The following FXYD4 variants were observed in gnomAD, a reference collection of about 807,000 sequenced individuals.
FXYD4 encodes the protein FXYD domain containing ion transport regulator 4, also known as FXYD domain-containing ion transport regulator 4.
FXYD4 carries 14 observed loss-of-function variants against 18.3 expected under a neutral mutation model. The ratio of observed to expected loss-of-function variants is 0.77; its 90% CI spans 0.51 to 1.20. The LOEUF (loss-of-function observed/expected upper bound fraction) is 1.20, where lower values mean the gene tolerates loss of function less well. Among genes scored for constraint, FXYD4 ranks in the 50% most tolerant of loss-of-function variants. The probability of loss-of-function intolerance (pLI) is 0.00; values close to 1 mark genes in which losing one functional copy is unlikely to be tolerated. For synonymous variants in FXYD4, 40 were observed against 40.5 expected, an observed-to-expected ratio of 0.99 and a Z score of 0.04; for missense variants, 99 against 106.1, an observed-to-expected ratio of 0.93 and a Z score of 0.29.
chr10:43,375,799 G>A (rs1370388895), intron 7 of FXYD4, 65 bp downstream of exon 7: 2 of 1,530,678 alleles, frequency 1.3e-6, no homozygotes, highest in Admixed American at 3.3e-5. Context: ...GTCCTGACCT[G>A]GAGAGTGGAC....
chr10:43,374,479 C>A lies in FXYD4; in HGVS notation c.47C>A (p.Ala16Asp). The A allele has an allele frequency of 6.2e-7, 1 of 1,614,122 alleles. No individual in the cohort carries two copies. The highest frequency in any genetic ancestry group is 8.5e-7 in the Non-Finnish European group (1 of 1,179,968). The change falls in exon 4 of 9, where the codon GCC becomes GAC. Residue 16 changes from alanine to aspartate, a missense_variant. Ala to Asp is a moderately radical substitution (Grantham distance 126). Coordinates refer to ENST00000476166, the MANE Select transcript of FXYD4 (RefSeq NM_173160.3). ...LALLLLAGLT[A>D]LEANDPFANK... ...TGCTCCTCCCACACAGGCCTGACTG[C>A]CTTGGAAGCCAATGACCCATTTGGT...
chr10:43,375,809 C>T, intron 7 of FXYD4, 75 bp downstream of exon 7: 1 of 1,479,954 alleles, frequency 6.8e-7, no homozygotes, highest in South Asian at 1.1e-5. Flanking sequence ...GGAGAGTGGA[C>T]AGCATCCTGG....
chr10:43,375,859 G>C, intron 7 of FXYD4, 125 bp downstream of exon 7: 1 of 1,242,634 alleles, frequency 8.0e-7, no homozygotes, highest in South Asian at 1.2e-5. Flanking sequence ...TATTCAGATA[G>C]TCAACCCTGA....
At chr10:43,375,600 A>AGGACAGGGTGGGGCTGGC (rs537364375) in intron 6 of FXYD4, 27 bp downstream of exon 6, 12 of 1,608,612 alleles carry the variant, frequency 7.5e-6, no homozygotes, top group Admixed American at 1.7e-5. Context: ...GTGGGGCTGG[A>AGGACAGGGTGGGGCTGGC]GGACAGGGTG....
At chr10:43,374,376 A>T in intron 3 of FXYD4, 94 bp from the exon 4 acceptor site, 3 of 1,235,626 alleles carry the variant, frequency 2.4e-6, no homozygotes, top group Non-Finnish European at 3.6e-6. Context: ...CTCCAGGGTC[A>T]CCCCACAACC....
intron 5 of FXYD4, among the ~76,000 whole-genome samples, chr10:43,374,844 G>A (rs529926216): frequency 1.3e-5 from 2 of 151,830 alleles, no homozygotes; most frequent in South Asian, 4.2e-4. Flanking sequence ...TGGTGCCTGG[G>A]TGGTTAGGCA....
intron 5 of FXYD4, among the ~76,000 whole-genome samples, chr10:43,374,974 C>G (rs1277346162): frequency 1.3e-5 from 2 of 151,360 alleles, no homozygotes; most frequent in Non-Finnish European, 2.9e-5. Flanking sequence ...TCCAGGACAG[C>G]TTTCCTTGAT....
intron 7 of FXYD4, 62 bp downstream of exon 7, chr10:43,375,796 C>T (rs1233451720): frequency 1.3e-6 from 2 of 1,537,058 alleles, no homozygotes; most frequent in Non-Finnish European, 1.8e-6. Flanking sequence ...ACAGTCCTGA[C>T]CTGGAGAGTG....
At position 43,374,515 on chromosome 10, in the gene FXYD4, C is replaced by A. The variant is rs200495783; in HGVS notation, c.70+13C>A. ...AATGACCCATTTGGTGAGTGAGGCCCCCAAACAGCCTGCCCACTCTGCCCA... is the reference window on the plus strand; with the variant it reads ...AATGACCCATTTGGTGAGTGAGGCCACCAAACAGCCTGCCCACTCTGCCCA... On this transcript the variant is annotated intron_variant, in intron 4 of 8. Transcript: ENST00000476166. 2.5e-5 allele frequency: 40 copies of A among 1,613,874 alleles called. No individual in the cohort carries two copies. In the East Asian group the frequency reaches 8.7e-4, roughly 35 times the overall value.
At chr10:43,375,594 G>A in intron 6 of FXYD4, 21 bp downstream of exon 6, 1 of 1,611,550 alleles carries the variant, frequency 6.2e-7, no homozygotes, top group African/African-American at 1.3e-5. Flanking sequence ...GGACAGGTGG[G>A]GCTGGAGGAC....
At chr10:43,375,843 CT>C in intron 7 of FXYD4, 109 bp downstream of exon 7, 1 of 1,303,800 alleles carries the variant, frequency 7.7e-7, no homozygotes, top group Non-Finnish European at 1.1e-6. Context: ...TTGCAGCTGG[CT>C]TTGTTATTCA....
chr10:43,376,111 G>C (rs1191467534), intron 8 of FXYD4, 36 bp from the exon 9 acceptor site: 2 of 1,614,020 alleles, frequency 1.2e-6, no homozygotes, highest in Non-Finnish European at 1.7e-6. Flanking sequence ...TCTGTGTAAG[G>C]ACTGTGTCTG....
In FXYD4 at chr10:43,374,518, A is replaced by G; in HGVS notation, c.70+16A>G. Reference sequence around the variant, plus strand: ...GACCCATTTGGTGAGTGAGGCCCCCAAACAGCCTGCCCACTCTGCCCACAT... The same window carrying G: ...GACCCATTTGGTGAGTGAGGCCCCCGAACAGCCTGCCCACTCTGCCCACAT... On this transcript the variant is annotated intron_variant, in intron 4 of 8. Coordinates refer to ENST00000476166, the MANE Select transcript of FXYD4 (RefSeq NM_173160.3). The G allele has an allele frequency of 6.2e-7, 1 of 1,613,842 alleles. No homozygotes were observed. Among genetic ancestry groups the G allele is most frequent in the South Asian group, 1.1e-5 (1 of 91,076 alleles).
rs755443157 is a variant in FXYD4 at position 43,374,477 on chromosome 10, T to C, written c.45T>C (p.Thr15=). ...TCTGCTCCTCCCACACAGGCCTGAC[T>C]GCCTTGGAAGCCAATGACCCATTTG... ...TLALLLLAGL[T]ALEANDPFAN... The change falls in exon 4 of 9, where the codon ACT becomes ACC. Residue 15 remains threonine, a synonymous_variant. Transcript: ENST00000476166. The C allele has an allele frequency of 7.4e-6, 12 of 1,614,084 alleles. 1 individual carries two copies. In the South Asian group the frequency reaches 1.3e-4, roughly 18 times the overall value.
intron 6 of FXYD4, 37 bp downstream of exon 6, chr10:43,375,610 G>A (rs1431525956): frequency 6.2e-7 from 1 of 1,607,952 alleles, no homozygotes; most frequent in Admixed American, 1.7e-5. Context: ...AGGACAGGGT[G>A]GGGCTGGCGG....
At chr10:43,375,427 C>T (rs1431384251) in intron 5 of FXYD4, 72 bp from the exon 6 acceptor site, 1 of 1,168,658 alleles carries the variant, frequency 8.6e-7, no homozygotes, top group African/African-American at 1.5e-5. Context: ...CAAGCAGGGG[C>T]TCAGGAGTGT....
chr10:43,373,795 C>T lies in FXYD4; in HGVS notation c.37+12C>T. On this transcript the variant is annotated intron_variant, in intron 3 of 8. Transcript: ENST00000476166. The stretch of plus-strand genomic sequence containing the variant: ...TCTCCTACTGGCAGGTGAGTCCTCC[C>T]AGTCTCCTGGGACCCTCTTGCATTC... 6.3e-7 allele frequency: 1 copy of T among 1,589,488 alleles called. No individual in the cohort carries two copies. The highest frequency in any genetic ancestry group is 8.6e-7 in the Non-Finnish European group (1 of 1,157,640).
At chr10:43,376,109 A>C (rs1201687761) in intron 8 of FXYD4, 38 bp from the exon 9 acceptor site, 1 of 1,613,898 alleles carries the variant, frequency 6.2e-7, no homozygotes, top group Admixed American at 1.7e-5. Flanking sequence ...TGTCTGTGTA[A>C]GGACTGTGTC....
rs747563306 is a variant in FXYD4, at chr10:43,373,773, C to T, written c.27C>T (p.Leu9=). The T allele has an allele frequency of 3.1e-6, 5 of 1,609,574 alleles. No homozygotes were observed. Among genetic ancestry groups the T allele is most frequent in the Non-Finnish European group, 4.3e-6 (5 of 1,175,892 alleles). The change falls in exon 3 of 9, where the codon CTC becomes CTT. Residue 9 remains leucine (L), a synonymous_variant. Transcript: ENST00000476166. MERVTLAL[L]LLAGLTALEA... ...TGGAGAGAGTGACCCTGGCCCTTCT[C>T]CTACTGGCAGGTGAGTCCTCCCAGT...
Sources: allele counts gnomAD v4.1 joint callset (sites outside exome capture counted in the v4.1 genomes callset), GRCh38; gene constraint gnomAD v4.1.1; transcripts MANE v1.5; gene names NCBI Gene and HGNC (gene_info 2026-07-23, HGNC 2026-07-21).